ALOX5: variants seen among roughly 807,000 people sequenced by gnomAD.
ALOX5 encodes arachidonate 5-lipoxygenase, also known as polyunsaturated fatty acid 5-lipoxygenase.
Under a neutral mutation model 87.9 loss-of-function variants are expected in ALOX5, and 64 were observed. The observed-to-expected ratio is 0.73, with a 90% CI of 0.60 to 0.90. ALOX5 has a LOEUF of 0.90. Among genes scored for constraint, ALOX5 ranks in the 40% least tolerant of loss-of-function variants. The probability of loss-of-function intolerance (pLI) is 0.00; values close to 1 mark genes in which losing one functional copy is unlikely to be tolerated. For synonymous variants in ALOX5, 388 were observed against 355.1 expected, an observed-to-expected ratio of 1.09 and a Z score of -1.04; for missense variants, 822 against 907.5, an observed-to-expected ratio of 0.91 and a Z score of 1.21.
intron 3 of ALOX5, among the ~76,000 whole-genome samples, chr10:45,403,341 C>T (rs1840768129): frequency 6.6e-6 from 1 of 152,154 alleles, no homozygotes; most frequent in Non-Finnish European, 1.5e-5. Flanking sequence ...AGGAAAGAAG[C>T]CAGGAGCGTG....
chr10:45,426,468 T>A (rs1426176196), intron 6 of ALOX5, among the ~76,000 whole-genome samples: 1 of 152,230 alleles, frequency 6.6e-6, no homozygotes, highest in Non-Finnish European at 1.5e-5. Flanking sequence ...GCTGCCCATC[T>A]GGCAGCACCT....
intron 12 of ALOX5, 87 bp downstream of exon 12, chr10:45,443,915 C>T: frequency 6.8e-7 from 1 of 1,467,010 alleles, no homozygotes. Context: ...CGTACTGCAC[C>T]CTCGGACAGC....
At chr10:45,396,492 C>T (rs150605268) in intron 3 of ALOX5, among the ~76,000 whole-genome samples, 121 of 152,096 alleles carry the variant, frequency 8.0e-4, no homozygotes, top group African/African-American at 2.7e-3. Flanking sequence ...AAATGAAATG[C>T]GCAAATTCCT....
At chr10:45,444,490 A>G (rs1280764241) in intron 13 of ALOX5, 5 of 646,652 alleles carry the variant, frequency 7.7e-6, no homozygotes, top group Non-Finnish European at 1.2e-5. Flanking sequence ...GCAGGGCAGG[A>G]GAGCACACAG....
At chr10:45,424,299 A>G (rs1004213801) in intron 5 of ALOX5, 152 bp downstream of exon 5, 5 of 663,810 alleles carry the variant, frequency 7.5e-6, no homozygotes, top group African/African-American at 5.4e-5. Flanking sequence ...CACCCCCTAC[A>G]CTCCACACCT....
chr10:45,431,763 G>A (rs569647641), intron 7 of ALOX5, among the ~76,000 whole-genome samples: 11 of 151,996 alleles, frequency 7.2e-5, no homozygotes, highest in Admixed American at 2.0e-4. Context: ...TAGTAGAGAC[G>A]GCATTTCACC....
At chr10:45,419,886 G>C (rs371977567) in intron 4 of ALOX5, among the ~76,000 whole-genome samples, 191 of 152,300 alleles carry the variant, frequency 1.3e-3, no homozygotes, top group African/African-American at 4.3e-3. Flanking sequence ...AGGAGGAAGG[G>C]TGAGGACCCA....
chr10:45,374,475 C>A, intron 1 of ALOX5, 46 bp downstream of exon 1: 1 of 1,461,100 alleles, frequency 6.8e-7, no homozygotes, highest in East Asian at 2.8e-5. Flanking sequence ...GAGGTGCGTC[C>A]GGGACCCGGT....
chr10:45,409,525 CTCTCTCTCTG>C lies in ALOX5; in HGVS notation c.432-2658_432-2649del, dbSNP rs1158729037. On this transcript the variant is annotated intron_variant, in intron 3 of 13. Coordinates refer to ENST00000374391, the MANE Select transcript of ALOX5 (RefSeq NM_000698.5). Reference sequence around the variant, plus strand: ...TGTCTGTCTGTCTCTCTCTCTCTCTCTCTCTCTCTGTCTCTCTGTCTCTCTTGCTTTCTCT... The same window carrying C: ...TGTCTGTCTGTCTCTCTCTCTCTCTCTCTCTCTGTCTCTCTTGCTTTCTCT... Among the ~76,000 whole-genome samples the C allele has an allele frequency of 3.3e-5, 5 of 150,884 alleles. 1 individual carries two copies. The highest frequency in any genetic ancestry group is 1.2e-4 in the African/African-American group (5 of 40,978).
intron 2 of ALOX5, among the ~76,000 whole-genome samples, chr10:45,388,215 A>C (rs546211902): frequency 6.6e-6 from 1 of 152,250 alleles, no homozygotes; most frequent in African/African-American, 2.4e-5. Flanking sequence ...GGTGGAGCCC[A>C]TCGCAGCTCA....
chr10:45,386,464 T>C (rs771043906), intron 2 of ALOX5, among the ~76,000 whole-genome samples: 16 of 151,084 alleles, frequency 1.1e-4, no homozygotes, highest in Non-Finnish European at 2.2e-4. Flanking sequence ...AGACCCTGTC[T>C]CTTAAAAAAA....
chr10:45,406,368 A>G (rs1025772088), intron 3 of ALOX5, among the ~76,000 whole-genome samples: 1 of 152,214 alleles, frequency 6.6e-6, no homozygotes, highest in African/African-American at 2.4e-5. Flanking sequence ...TTTGGTTATC[A>G]TAACTTTCTA....
intron 1 of ALOX5, among the ~76,000 whole-genome samples, chr10:45,374,683 A>G (rs927382312): frequency 4.6e-5 from 7 of 152,092 alleles, no homozygotes; most frequent in African/African-American, 1.7e-4. Flanking sequence ...GGAAACGGAG[A>G]CTTCCCGCGT....
intron 2 of ALOX5, among the ~76,000 whole-genome samples, chr10:45,388,567 C>T (rs945145766): frequency 1.3e-5 from 2 of 152,242 alleles, no homozygotes; most frequent in African/African-American, 4.8e-5. Flanking sequence ...GCTGCTGATA[C>T]TCGGGCAAAC....
At chr10:45,415,290 A>G (rs1310102461) in intron 4 of ALOX5, among the ~76,000 whole-genome samples, 2 of 152,248 alleles carry the variant, frequency 1.3e-5, no homozygotes, top group African/African-American at 4.8e-5. Context: ...TTGCAGGGAC[A>G]TGGATGAAGC....
chr10:45,376,957 A>G (rs879341709), intron 1 of ALOX5, among the ~76,000 whole-genome samples: 3 of 152,214 alleles, frequency 2.0e-5, no homozygotes, highest in Non-Finnish European at 4.4e-5. Context: ...GGCAAATTTA[A>G]CAAGTTGATT....
At chr10:45,402,328 A>G (rs975271986) in intron 3 of ALOX5, among the ~76,000 whole-genome samples, 1 of 152,142 alleles carries the variant, frequency 6.6e-6, no homozygotes, top group Admixed American at 6.5e-5. Context: ...TCTTAGCTTC[A>G]TCCCCCTTTT....
chr10:45,390,544 A>G (rs1840180319), intron 2 of ALOX5, among the ~76,000 whole-genome samples: 1 of 152,228 alleles, frequency 6.6e-6, no homozygotes, highest in African/African-American at 2.4e-5. Context: ...AACTCACTCA[A>G]AACCTCTCAA....
chr10:45,443,610 G>A (rs907350584), intron 11 of ALOX5, 73 bp downstream of exon 11: 8 of 1,597,100 alleles, frequency 5.0e-6, no homozygotes, highest in African/African-American at 1.3e-5. Flanking sequence ...CCACCCCTCC[G>A]GGGTGTCCTG....
Sources: gnomAD v4.1 joint callset for allele counts (sites outside exome capture counted in the v4.1 genomes callset) on GRCh38, gnomAD v4.1.1 for gene constraint, MANE v1.5 for transcripts, NCBI Gene and HGNC (gene_info 2026-07-23, HGNC 2026-07-21) for gene names.